Variants in RTN1 observed in about 807,000 individuals in gnomAD.
RTN1 encodes reticulon 1.
RTN1 carries 25 observed loss-of-function variants against 65.5 expected under a neutral mutation model. The ratio of observed to expected loss-of-function variants is 0.38; its 90% confidence interval spans 0.28 to 0.53. The LOEUF (loss-of-function observed/expected upper bound fraction) is 0.53, where lower values mean the gene tolerates loss of function less well. Ranked by LOEUF, RTN1 falls within the 20% of genes least tolerant of loss-of-function variation. The pLI is 0.79. For missense variants in RTN1, 983 were observed against 1,025.4 expected (o/e 0.96, Z 0.57); for synonymous variants, 471 against 447.6 (o/e 1.05, Z -0.66).
At position 59,596,260 on chromosome 14, in the gene RTN1, C is replaced by T. The variant is rs907458171; in HGVS notation, c.*485G>A. 3.9e-5 allele frequency: 6 copies of T among 152,886 alleles called. No individual in the cohort carries two copies. The highest frequency in any genetic ancestry group is 1.2e-4 in the African/African-American group (5 of 41,556). 9.5% of individuals were successfully genotyped at this position (152,886 alleles called of 1,614,324 possible). A position where few individuals can be genotyped will look rare whatever the true frequency, so the allele number is the denominator to read the frequency against. On this transcript the variant is annotated 3_prime_UTR_variant, in exon 9 of 9. Transcript: ENST00000267484. ...GTGCGGTCGACTGCTTTTATTTTTA[C>T]GTTGTGTGTGTTGGAAAAATGCTAA...
chr14:59,732,942 G>A (rs1278762047), intron 2 of RTN1, among the ~76,000 whole-genome samples: 2 of 152,200 alleles, frequency 1.3e-5, no homozygotes, highest in African/African-American at 4.8e-5. Flanking sequence ...CCCGGTGGGA[G>A]TGGGGGTCAC....
rs1886012906 is a variant in RTN1 at position 59,774,364 on chromosome 14, T to C, written c.242-27883A>G. Among the ~76,000 whole-genome samples the C allele has an allele frequency of 1.3e-5, 2 of 152,308 alleles. No individual in the cohort carries two copies. Among genetic ancestry groups the C allele is most frequent in the South Asian group, 4.1e-4 (2 of 4,826 alleles). On this transcript the variant is annotated intron_variant, in intron 1 of 8. Coordinates refer to ENST00000267484, the MANE Select transcript of RTN1 (RefSeq NM_021136.3). This position sits in a 1 kb window ranked among gnomAD's most constrained non-coding sequence, Gnocchi z 5.1. ...TTATAATCTATACAACACTATAGATTATTATAATTTGGCTCTGAAGGGTTG... is the reference window on the plus strand; with the variant it reads ...TTATAATCTATACAACACTATAGATCATTATAATTTGGCTCTGAAGGGTTG...
chr14:59,831,693 T>G (rs1210098321), intron 1 of RTN1, among the ~76,000 whole-genome samples: 1 of 152,164 alleles, frequency 6.6e-6, no homozygotes, highest in African/African-American at 2.4e-5. Context: ...TTCTATCTAT[T>G]GCTCTCTTGG....
At chr14:59,706,191 G>T (rs962094618) in intron 3 of RTN1, among the ~76,000 whole-genome samples, 1 of 152,154 alleles carries the variant, frequency 6.6e-6, no homozygotes, top group Non-Finnish European at 1.5e-5. Flanking sequence ...TTTGTTTGCA[G>T]TATCATTCTG....
rs373563750 is a variant in RTN1 at position 59,850,313 on chromosome 14, A to T, written c.241+20077T>A. ...AGCCTCATCTATCTGAAATATGCTC[A>T]GAACATTTACATTAGTCTGCAGTTA... On this transcript the variant is annotated intron_variant, in intron 1 of 8. Coordinates refer to ENST00000267484, the MANE Select transcript of RTN1 (RefSeq NM_021136.3). Among the ~76,000 whole-genome samples, 8 of 152,376 alleles carry T rather than the reference A, an allele frequency of 5.3e-5. No individual in the cohort carries two copies. In the East Asian group the frequency reaches 1.5e-3, roughly 29 times the overall value.
chr14:59,636,795 A>G (rs1882675582), intron 3 of RTN1, among the ~76,000 whole-genome samples: 1 of 152,242 alleles, frequency 6.6e-6, no homozygotes, highest in Non-Finnish European at 1.5e-5. Flanking sequence ...ACTGTAGTCT[A>G]TTAATTGTGC....
chr14:59,723,251 G>GT lies in RTN1; in HGVS notation c.1765+3667dup, dbSNP rs559076865. On this transcript the variant is annotated intron_variant, in intron 3 of 8. Coordinates refer to ENST00000267484, the MANE Select transcript of RTN1 (RefSeq NM_021136.3). Reference sequence around the variant, plus strand: ...AGATGAGATTGAAAAGAGGCCATTTGTTTGGCAAGAAGACAGTCAGTTTCA... The same window carrying GT: ...AGATGAGATTGAAAAGAGGCCATTTGTTTTGGCAAGAAGACAGTCAGTTTCA... 1.6e-3 allele frequency among the ~76,000 whole-genome samples: 240 copies of GT among 152,246 alleles called. 3 individuals carry two copies. Among genetic ancestry groups the GT allele is most frequent in the Admixed American group, 0.013 (197 of 15,290 alleles).
In RTN1 at chr14:59,870,218, T is replaced by C. The variant is rs1594774563; in HGVS notation, c.241+172A>G. Among the ~76,000 whole-genome samples, 1 of 152,350 alleles carries C rather than the reference T, an allele frequency of 6.6e-6. No homozygotes were observed. Among genetic ancestry groups the C allele is most frequent in the East Asian group, 1.9e-4 (1 of 5,164 alleles). On this transcript the variant is annotated intron_variant, in intron 1 of 8. Transcript: ENST00000267484. The surrounding 1 kb of genome is among the most constrained non-coding windows in gnomAD (Gnocchi z 5.1). ...TGAGCCTTTGGGAAAAATAAAATTGTTGTTTTCTACCAGCCCGCGAATATT... is the reference window on the plus strand; with the variant it reads ...TGAGCCTTTGGGAAAAATAAAATTGCTGTTTTCTACCAGCCCGCGAATATT...
chr14:59,806,670 T>C (rs1424601827), intron 1 of RTN1, among the ~76,000 whole-genome samples: 4 of 152,222 alleles, frequency 2.6e-5, no homozygotes, highest in Admixed American at 2.6e-4. Flanking sequence ...CATGTGTCCA[T>C]GTGTTCTCAT....
chr14:59,619,334 C>A (rs1882193364), intron 3 of RTN1, among the ~76,000 whole-genome samples: 1 of 152,160 alleles, frequency 6.6e-6, no homozygotes, highest in South Asian at 2.1e-4. Flanking sequence ...CTAAGCAGGG[C>A]ATTCTGACAC....
chr14:59,706,366 T>C (rs1036269675), intron 3 of RTN1, among the ~76,000 whole-genome samples: 20 of 152,222 alleles, frequency 1.3e-4, no homozygotes, highest in African/African-American at 4.3e-4. Flanking sequence ...AGGAAAAGAA[T>C]ATTTAAGCAT....
chr14:59,612,478 T>G (rs1179806076), intron 3 of RTN1, among the ~76,000 whole-genome samples: 1 of 152,192 alleles, frequency 6.6e-6, no homozygotes, highest in Non-Finnish European at 1.5e-5. Context: ...CCGCAAGGTT[T>G]GATTAATAGA....
chr14:59,686,066 G>A (rs142845281), intron 3 of RTN1, among the ~76,000 whole-genome samples: 156 of 152,252 alleles, frequency 1.0e-3, no homozygotes, highest in African/African-American at 3.6e-3. Flanking sequence ...AACACACAGC[G>A]GGGAATGAAC....
At chr14:59,695,868 C>T (rs1884053049) in intron 3 of RTN1, among the ~76,000 whole-genome samples, 1 of 151,816 alleles carries the variant, frequency 6.6e-6, no homozygotes, top group East Asian at 1.9e-4. Flanking sequence ...ATGATACACA[C>T]ACATATCAGA....
intron 3 of RTN1, among the ~76,000 whole-genome samples, chr14:59,665,655 TAA>T (rs1385572044): frequency 6.6e-6 from 1 of 152,106 alleles, no homozygotes; most frequent in African/African-American, 2.4e-5. Flanking sequence ...GCAAATTGGA[TAA>T]AGAGTCAAGA....
In RTN1 at chr14:59,603,215, G is replaced by C. The variant is rs371671256; in HGVS notation, c.2226C>G (p.His742Gln). ...MFTLPVVYVK[H>Q]QAQIDQYLGL... ...TTTGACATCACATAGAACTTACCTG[G>C]TGCTTAACATACACTACAGGTAGAG... The change falls in exon 7 of 9, where the codon CAC (histidine) becomes CAG (glutamine). Residue 742 changes from histidine to glutamine, a missense_variant. Around this residue, in one of 2 missense-constraint regions of RTN1, gnomAD observed 165 missense variants for 223.6 expected, o/e 0.74. Transcript: ENST00000267484. 3.7e-6 allele frequency: 6 copies of C among 1,612,904 alleles called. No homozygotes were observed. Among genetic ancestry groups the C allele is most frequent in the African/African-American group, 1.3e-5 (1 of 74,724 alleles).
Position 59,641,132 on chromosome 14 carries a change from TG to T in RTN1, c.1766-33641del, listed in dbSNP as rs765782870. Among the ~76,000 whole-genome samples, 7 of 151,214 alleles carry T rather than the reference TG, an allele frequency of 4.6e-5. No homozygotes were observed. In the South Asian group the frequency reaches 8.4e-4, roughly 18 times the overall value. ...TGCCACCGCACGTGGCTAATTTTTTTGGGGGGGGTATTTTTTGTAGAGATGG... is the reference window on the plus strand; with the variant it reads ...TGCCACCGCACGTGGCTAATTTTTTTGGGGGGGTATTTTTTGTAGAGATGG... On this transcript the variant is annotated intron_variant, in intron 3 of 8. Coordinates refer to ENST00000267484, the MANE Select transcript of RTN1 (RefSeq NM_021136.3).
At chr14:59,819,067 G>A (rs140694461) in intron 1 of RTN1, among the ~76,000 whole-genome samples, 260 of 152,168 alleles carry the variant, frequency 1.7e-3, no homozygotes, top group African/African-American at 5.9e-3. Context: ...TAAAGGTGGC[G>A]CATCCCGAGT....
intron 1 of RTN1, among the ~76,000 whole-genome samples, chr14:59,757,772 A>G (rs942505157): frequency 6.6e-6 from 1 of 152,154 alleles, no homozygotes; most frequent in African/African-American, 2.4e-5. Context: ...CCAGAACTGT[A>G]AGAGATAAAT....
Sources: allele counts gnomAD v4.1 joint callset (sites outside exome capture counted in the v4.1 genomes callset), GRCh38; gene constraint gnomAD v4.1.1; regional missense constraint gnomAD v4.1.1; non-coding constraint Gnocchi (gnomAD v3.1); transcripts MANE v1.5; gene names NCBI Gene and HGNC (gene_info 2026-07-23, HGNC 2026-07-21).